Variants in IKZF1 observed in about 807,000 individuals in gnomAD.
IKZF1 encodes the protein DNA-binding protein Ikaros.
IKZF1 carries 10 observed loss-of-function variants against 51.7 expected under a neutral mutation model. That is an observed-to-expected ratio of 0.19 (90% CI 0.12 to 0.33). The LOEUF is 0.33. IKZF1 is among the 10% of genes least tolerant of loss of function. IKZF1 has a pLI of 1.00. For missense variants in IKZF1, 484 were observed against 707.5 expected, an observed-to-expected ratio of 0.68 and a Z score of 3.58; for synonymous variants, 280 against 282.3, an observed-to-expected ratio of 0.99 and a Z score of 0.08.
Position 50,391,760 on chromosome 7 carries a change from G to T in IKZF1, c.747G>T (p.Met249Ile). The change falls in exon 7 of 8, where the codon ATG becomes ATT. Residue 249 changes from methionine to isoleucine, a missense_variant. Coordinates refer to ENST00000331340, the MANE Select transcript of IKZF1 (RefSeq NM_006060.6). ...AAGAAGAAACTAATCACAGTGAAATGGCAGAAGACCTGTGCAAGATAGGAT... is the reference window on the plus strand; with the variant it reads ...AAGAAGAAACTAATCACAGTGAAATTGCAGAAGACCTGTGCAAGATAGGAT... ...VIKEETNHSEMAEDLCKIGSE... is the reference protein window; with the variant it reads ...VIKEETNHSEIAEDLCKIGSE... 6.2e-7 allele frequency: 1 copy of T among 1,614,014 alleles called. No homozygotes were observed. The highest frequency in any genetic ancestry group is 8.5e-7 in the Non-Finnish European group (1 of 1,179,886).
chr7:50,322,026 G>A (rs181292836), intron 2 of IKZF1, among the ~76,000 whole-genome samples: 2 of 152,268 alleles, frequency 1.3e-5, no homozygotes, highest in African/African-American at 4.8e-5. Context: ...TAACCTTTGA[G>A]CACTCTACGT....
At chr7:50,373,074 TC>T (rs1771566959) in intron 3 of IKZF1, among the ~76,000 whole-genome samples, 1 of 152,172 alleles carries the variant, frequency 6.6e-6, no homozygotes, top group Non-Finnish European at 1.5e-5. Flanking sequence ...GAGTGGCTGA[TC>T]TCCAGGCCTC....
chr7:50,350,833 C>T (rs1231030328), intron 3 of IKZF1, among the ~76,000 whole-genome samples: 6 of 152,196 alleles, frequency 3.9e-5, no homozygotes, highest in Non-Finnish European at 7.3e-5. Flanking sequence ...GCTCTGGTAG[C>T]GCTTTATCCC....
At chr7:50,397,875 A>T (rs912697004) in intron 7 of IKZF1, among the ~76,000 whole-genome samples, 2 of 152,104 alleles carry the variant, frequency 1.3e-5, no homozygotes, top group Non-Finnish European at 2.9e-5. Flanking sequence ...TTTTTCTCTA[A>T]TCAGAGTATG....
At position 50,400,974 on chromosome 7, in the gene IKZF1, C is replaced by T; in HGVS notation, c.*347C>T. The T allele has an allele frequency of 2.4e-6, 1 of 409,646 alleles. No homozygotes were observed. The highest frequency in any genetic ancestry group is 4.4e-5 in the Admixed American group (1 of 22,870). The allele number at this position is 409,646 out of a possible 1,614,324, so 25.4% of individuals were successfully genotyped here. A position where few individuals can be genotyped will look rare whatever the true frequency, so the allele number is the denominator to read the frequency against. Reference sequence around the variant, plus strand: ...TTCAGAGAGAAATAGATAAAACACGCCACAGCCTGGGAAGGAGCGTGCTCT... The same window carrying T: ...TTCAGAGAGAAATAGATAAAACACGTCACAGCCTGGGAAGGAGCGTGCTCT... On this transcript the variant is annotated 3_prime_UTR_variant, in exon 8 of 8. Transcript: ENST00000331340. The surrounding 1 kb of genome is among the most constrained non-coding windows in gnomAD (Gnocchi z 5.4).
At chr7:50,378,741 A>G (rs758697985) in intron 4 of IKZF1, among the ~76,000 whole-genome samples, 1 of 152,240 alleles carries the variant, frequency 6.6e-6, no homozygotes, top group Non-Finnish European at 1.5e-5. Flanking sequence ...CACACCAATA[A>G]GCTGAGTTTT....
chr7:50,370,960 G>T (rs755000932), intron 3 of IKZF1, among the ~76,000 whole-genome samples: 3 of 152,136 alleles, frequency 2.0e-5, no homozygotes, highest in Non-Finnish European at 4.4e-5. Context: ...AGGAGTGAGC[G>T]ATTTAGGAAC....
chr7:50,370,438 T>C (rs962988550), intron 3 of IKZF1, among the ~76,000 whole-genome samples: 7 of 152,252 alleles, frequency 4.6e-5, no homozygotes, highest in African/African-American at 1.7e-4. Context: ...TCTGAGTTCC[T>C]TGGATTCTCC....
chr7:50,327,738 C>A lies in IKZF1; in HGVS notation c.141C>A (p.Ser47=). The change falls in exon 3 of 8, where the codon TCC becomes TCA. Residue 47 remains serine, a synonymous_variant. Transcript: ENST00000331340. The part of the protein sequence containing the change: ...LSTTSGGQQS[S]KSDRVVASNV... ...CCACCTCGGGAGGACAGCAAAGCTC[C>A]AAGAGTGACAGAGTCGTGGGTAAGT... 6 of 1,613,050 alleles carry A rather than the reference C, an allele frequency of 3.7e-6. No homozygotes were observed. Among genetic ancestry groups the A allele is most frequent in the Non-Finnish European group, 5.1e-6 (6 of 1,179,528 alleles).
chr7:50,327,589 G>C (rs1795365210), intron 2 of IKZF1, 49 bp from the exon 3 acceptor site: 1 of 1,537,230 alleles, frequency 6.5e-7, no homozygotes, highest in Non-Finnish European at 8.8e-7. Context: ...GGAAGCCCAG[G>C]CACCTTGACC....
chr7:50,337,039 A>G (rs1768874661), intron 3 of IKZF1, among the ~76,000 whole-genome samples: 1 of 152,150 alleles, frequency 6.6e-6, no homozygotes, highest in Admixed American at 6.5e-5. Flanking sequence ...CCCTAGAAAG[A>G]GGTGTCTGGG....
rs953003395 is a variant in IKZF1 at position 50,404,760 on chromosome 7, C to T, written c.*4133C>T. On this transcript the variant is annotated 3_prime_UTR_variant, in exon 8 of 8. Transcript: ENST00000331340. ...ATGCTTCAGTCATTCTGTGAGTGGCCGGGCCCAGGGCCCTCACAATTTCAC... is the reference window on the plus strand; with the variant it reads ...ATGCTTCAGTCATTCTGTGAGTGGCTGGGCCCAGGGCCCTCACAATTTCAC... 17 of 229,848 alleles carry T rather than the reference C, an allele frequency of 7.4e-5. No homozygotes were observed. Among genetic ancestry groups the T allele is most frequent in the Non-Finnish European group, 1.2e-4 (14 of 115,946 alleles). The allele number at this position is 229,848 out of a possible 1,614,324, so 14.2% of individuals were successfully genotyped here. A position where few individuals can be genotyped will look rare whatever the true frequency, so the allele number is the denominator to read the frequency against.
At chr7:50,396,845 A>G (rs1169031908) in intron 7 of IKZF1, among the ~76,000 whole-genome samples, 3 of 152,326 alleles carry the variant, frequency 2.0e-5, no homozygotes, top group East Asian at 3.9e-4. Context: ...ACCCTAAGCC[A>G]TCAGCACTGT....
At chr7:50,377,792 A>G (rs1374558584) in intron 4 of IKZF1, among the ~76,000 whole-genome samples, 1 of 152,250 alleles carries the variant, frequency 6.6e-6, no homozygotes, top group Non-Finnish European at 1.5e-5. Flanking sequence ...GTAAAACACA[A>G]TAGATCCACC....
chr7:50,358,988 G>A (rs898030986), intron 3 of IKZF1, among the ~76,000 whole-genome samples: 2 of 152,122 alleles, frequency 1.3e-5, no homozygotes, highest in Non-Finnish European at 2.9e-5. Flanking sequence ...GGCCAAGTGC[G>A]GTAGCTCACA....
chr7:50,382,683 A>G lies in IKZF1; in HGVS notation c.565A>G (p.Thr189Ala), dbSNP rs1584926133. 1.2e-6 allele frequency: 2 copies of G among 1,610,316 alleles called. No homozygotes were observed. The highest frequency in any genetic ancestry group is 1.7e-6 in the Non-Finnish European group (2 of 1,179,774). ...CGCCTGCCGCCGGAGGGACGCCCTCACTGGCCACCTGAGGACGCACTCCGG... is the reference window on the plus strand; with the variant it reads ...CGCCTGCCGCCGGAGGGACGCCCTCGCTGGCCACCTGAGGACGCACTCCGG... The part of the protein sequence containing the change: ...NYACRRRDAL[T>A]GHLRTHSVGK... Residue 189 changes from threonine to alanine, a missense_variant, in exon 5 of 8, where the codon ACT (threonine) becomes GCT (alanine). Physicochemically the swap from Thr to Ala is moderately conservative, Grantham distance 58 (BLOSUM62 0). Around this residue, in one of 6 missense-constraint regions of IKZF1, gnomAD observed 53 missense variants for 167.7 expected, o/e 0.32. Transcript: ENST00000331340.
chr7:50,327,905 A>G (rs1473064193), intron 3 of IKZF1, 148 bp downstream of exon 3: 2 of 927,958 alleles, frequency 2.2e-6, no homozygotes, highest in East Asian at 2.8e-5. Flanking sequence ...GATCAGCAGG[A>G]TGGGGGTCCT....
chr7:50,340,692 A>C (rs984571225), intron 3 of IKZF1, among the ~76,000 whole-genome samples: 1 of 152,256 alleles, frequency 6.6e-6, no homozygotes, highest in Non-Finnish European at 1.5e-5. Flanking sequence ...TGGCAATAAA[A>C]TTAAGAATCT....
intron 3 of IKZF1, among the ~76,000 whole-genome samples, chr7:50,348,621 G>A (rs367599870): frequency 1.4e-4 from 21 of 152,294 alleles, no homozygotes; most frequent in East Asian, 1.3e-3. Flanking sequence ...ATTTTGTTTC[G>A]AGAATGAGCA....
Sources: gnomAD v4.1 joint callset for allele counts (sites outside exome capture counted in the v4.1 genomes callset) on GRCh38, gnomAD v4.1.1 for gene constraint, gnomAD v4.1.1 regional missense constraint, Gnocchi (gnomAD v3.1) non-coding constraint, MANE v1.5 for transcripts, NCBI Gene and HGNC (gene_info 2026-07-23, HGNC 2026-07-21) for gene names.